Variants in KLF7 observed in about 807,000 individuals in gnomAD.
KLF7 encodes KLF transcription factor 7, also known as Krueppel-like factor 7.
A neutral mutation model predicts 27.3 loss-of-function variants in KLF7; 2 were observed. The ratio of observed to expected loss-of-function variants is 0.07; its 90% CI spans 0.03 to 0.23. The LOEUF is 0.23. Among genes scored for constraint, KLF7 ranks in the 10% least tolerant of loss-of-function variants. The pLI is 1.00. For missense variants in KLF7, 221 were observed against 394.1 expected (o/e 0.56, Z 3.72); for synonymous variants, 165 against 162.4 (o/e 1.02, Z -0.12).
rs771302064 is a variant in KLF7 at position 207,165,598 on chromosome 2, A to T, written c.-30T>A. 1 of 1,612,484 alleles carries T rather than the reference A, an allele frequency of 6.2e-7. No homozygotes were observed. Among genetic ancestry groups the T allele is most frequent in the East Asian group, 2.2e-5 (1 of 44,848 alleles). On this transcript the variant is annotated 5_prime_UTR_variant, in exon 1 of 4. Transcript: ENST00000309446. ...CTGCTGCCGGGCAAAACGGGAGGCG[A>T]AACCCTCCCCCGAACACAGTTGGGG...
At chr2:207,168,605 T>A (rs2078762004), upstream of KLF7, among the ~76,000 whole-genome samples, 1 of 152,164 alleles carries the variant, frequency 6.6e-6, no homozygotes, top group Non-Finnish European at 1.5e-5. Context: ...GGAGGAGGCT[T>A]CCATTGAGAC....
At chr2:207,090,126 A>T (rs1047001335) in intron 2 of KLF7, among the ~76,000 whole-genome samples, 2 of 152,174 alleles carry the variant, frequency 1.3e-5, no homozygotes, top group Non-Finnish European at 2.9e-5. Flanking sequence ...GCTCTGTAAG[A>T]CCCACAGAGA....
At chr2:207,170,055 G>A (rs1021633334), upstream of KLF7, among the ~76,000 whole-genome samples, 1 of 151,810 alleles carries the variant, frequency 6.6e-6, no homozygotes, top group African/African-American at 2.4e-5. Context: ...ATCAAACACC[G>A]AGATAGACCA....
At chr2:207,116,130 C>T (rs1278723471) in intron 2 of KLF7, among the ~76,000 whole-genome samples, 1 of 152,200 alleles carries the variant, frequency 6.6e-6, no homozygotes, top group Non-Finnish European at 1.5e-5. Context: ...GTTCTCCATT[C>T]GGTACCGGAG....
At position 207,100,003 on chromosome 2, in the gene KLF7, G is replaced by A. The variant is rs558549389; in HGVS notation, c.734-11422C>T. Among the ~76,000 whole-genome samples the A allele has an allele frequency of 7.9e-5, 12 of 152,214 alleles. No individual in the cohort carries two copies. The South Asian group carries it at 1.7e-3, about 21-fold the overall frequency. On this transcript the variant is annotated intron_variant, in intron 2 of 3. Coordinates refer to ENST00000309446, the MANE Select transcript of KLF7 (RefSeq NM_003709.4). Reference sequence around the variant, plus strand: ...AAATTAGCTGGGCATGGTGGTGCACGCCTGTAGTCCCAGCTACTTGGGAGA... The same window carrying A: ...AAATTAGCTGGGCATGGTGGTGCACACCTGTAGTCCCAGCTACTTGGGAGA...
chr2:207,079,083 G>GT lies in KLF7; in HGVS notation c.*2129dup, dbSNP rs932712534. On this transcript the variant is annotated 3_prime_UTR_variant, in exon 4 of 4. Transcript: ENST00000309446. ...TTATTTTGTTTTTTTTTTTGTTTTT[G>GT]TTTTTGTTTTTTTTGGTCTAAATAG... is the stretch of plus-strand genomic sequence containing the variant. 9.0e-5 allele frequency: 12 copies of GT among 133,846 alleles called. No homozygotes were observed. Among genetic ancestry groups the GT allele is most frequent in the Admixed American group, 5.3e-4 (7 of 13,172 alleles). 8.3% of individuals were successfully genotyped at this position (133,846 alleles called of 1,614,324 possible).
intron 1 of KLF7, among the ~76,000 whole-genome samples, chr2:207,144,168 GAAA>G (rs1176457671): frequency 1.9e-4 from 12 of 64,630 alleles, no homozygotes; most frequent in African/African-American, 5.6e-4. Context: ...GCGGGGGGGA[GAAA>G]AAAAAAAAAA....
At chr2:207,108,009 A>T (rs759407720) in intron 2 of KLF7, among the ~76,000 whole-genome samples, 8 of 152,246 alleles carry the variant, frequency 5.3e-5, no homozygotes, top group Non-Finnish European at 7.3e-5. Flanking sequence ...TTTTAAAAAA[A>T]TGCTTAACGG....
chr2:207,081,320 G>A, intron 3 of KLF7, 56 bp from the exon 4 acceptor site: 1 of 1,350,054 alleles, frequency 7.4e-7, no homozygotes, highest in Non-Finnish European at 1.1e-6. Flanking sequence ...AGCTTGACTT[G>A]CATCACTCCT....
At chr2:207,121,086 T>C (rs2077328308) in intron 2 of KLF7, 2 of 152,230 alleles carry the variant, frequency 1.3e-5, no homozygotes, top group Non-Finnish European at 2.9e-5. Context: ...CTTCTGTGGA[T>C]GCAAGGTAAC....
intron 1 of KLF7, among the ~76,000 whole-genome samples, chr2:207,127,968 C>T (rs2077526587): frequency 6.6e-6 from 1 of 152,130 alleles, no homozygotes; most frequent in Non-Finnish European, 1.5e-5. Flanking sequence ...AGTATACATA[C>T]ATATATTTCC....
intron 3 of KLF7, among the ~76,000 whole-genome samples, chr2:207,081,507 G>C (rs1005659793): frequency 2.0e-5 from 3 of 152,204 alleles, no homozygotes; most frequent in African/African-American, 7.2e-5. Flanking sequence ...CTCCTCAGTA[G>C]AGTGGGGATA....
At chr2:207,145,128 T>C (rs1319163553) in intron 1 of KLF7, among the ~76,000 whole-genome samples, 2 of 152,218 alleles carry the variant, frequency 1.3e-5, no homozygotes, top group Non-Finnish European at 2.9e-5. Flanking sequence ...CTGATGACCA[T>C]AACTACCTGC....
chr2:207,099,009 T>C (rs1156687146), intron 2 of KLF7, among the ~76,000 whole-genome samples: 5 of 152,044 alleles, frequency 3.3e-5, no homozygotes, highest in Non-Finnish European at 1.5e-5. Context: ...GTTCCAAGCA[T>C]GGGTAATATC....
At chr2:207,143,549 G>A (rs894306699) in intron 1 of KLF7, among the ~76,000 whole-genome samples, 1 of 152,112 alleles carries the variant, frequency 6.6e-6, no homozygotes, top group African/African-American at 2.4e-5. Flanking sequence ...TGTTTTTCTG[G>A]CTTTCTAAGC....
chr2:207,141,665 T>G (rs983464235), intron 1 of KLF7, among the ~76,000 whole-genome samples: 1 of 152,148 alleles, frequency 6.6e-6, no homozygotes, highest in Non-Finnish European at 1.5e-5. Context: ...ATTGTTTCAA[T>G]GTTGGCAATG....
At chr2:207,144,473 ACCCT>A (rs1478348484) in intron 1 of KLF7, among the ~76,000 whole-genome samples, 1 of 152,080 alleles carries the variant, frequency 6.6e-6, no homozygotes, top group Non-Finnish European at 1.5e-5. Context: ...GACACCACCA[ACCCT>A]ATCCTTGTGT....
chr2:207,090,459 T>A, intron 2 of KLF7, among the ~76,000 whole-genome samples: 1 of 152,166 alleles, frequency 6.6e-6, no homozygotes. Context: ...AATAAATCCA[T>A]GTTTATAGTG....
chr2:207,173,095 CAA>C, the KLF7 span, among the ~76,000 whole-genome samples: 1 of 151,898 alleles, frequency 6.6e-6, no homozygotes, highest in East Asian at 1.9e-4. Context: ...GGTTGGTAAA[CAA>C]GACTGCCTGA....
Sources: allele counts gnomAD v4.1 joint callset (sites outside exome capture counted in the v4.1 genomes callset), GRCh38; gene constraint gnomAD v4.1.1; transcripts MANE v1.5; gene names NCBI Gene and HGNC (gene_info 2026-07-23, HGNC 2026-07-21).